CELF4: variants seen among roughly 807,000 people sequenced by gnomAD.
The protein encoded by CELF4 is CUG-BP- and ETR-3-like factor 4.
CELF4 carries 18 observed loss-of-function variants against 59.9 expected under a neutral mutation model. The ratio of observed to expected loss-of-function variants is 0.30; its 90% CI spans 0.21 to 0.45. CELF4 has a LOEUF of 0.45. Among genes scored for constraint, CELF4 ranks in the 20% least tolerant of loss-of-function variants. CELF4 has a pLI of 1.00. For synonymous variants in CELF4, 261 were observed against 267.1 expected, an observed-to-expected ratio of 0.98 and a Z score of 0.22; for missense variants, 456 against 689.0, an observed-to-expected ratio of 0.66 and a Z score of 3.79.
At chr18:37,362,038 G>T (rs1161879014) in intron 2 of CELF4, among the ~76,000 whole-genome samples, 1 of 152,136 alleles carries the variant, frequency 6.6e-6, no homozygotes, top group Non-Finnish European at 1.5e-5. Context: ...GGGTCCTGGG[G>T]TCCGGCCCGT....
chr18:37,357,790 G>A (rs2098624460), intron 2 of CELF4, among the ~76,000 whole-genome samples: 1 of 152,234 alleles, frequency 6.6e-6, no homozygotes, highest in African/African-American at 2.4e-5. Context: ...TGACCTGGAT[G>A]TGAGACATGG....
intron 1 of CELF4, among the ~76,000 whole-genome samples, chr18:37,553,602 C>A (rs1415580067): frequency 6.6e-6 from 1 of 152,236 alleles, no homozygotes; most frequent in African/African-American, 2.4e-5. Flanking sequence ...ACAAAACTCA[C>A]ATGGATACAG....
At chr18:37,401,189 GTCT>G (rs2099322123) in intron 2 of CELF4, among the ~76,000 whole-genome samples, 1 of 152,214 alleles carries the variant, frequency 6.6e-6, no homozygotes, top group Non-Finnish European at 1.5e-5. Context: ...TTGTAGGTAG[GTCT>G]TCTTCACTCA....
At chr18:37,540,974 T>C (rs1271234549) in intron 1 of CELF4, among the ~76,000 whole-genome samples, 1 of 152,138 alleles carries the variant, frequency 6.6e-6, no homozygotes, top group African/African-American at 2.4e-5. Context: ...CCCAGCATCC[T>C]CTGTTCTAGG....
intron 2 of CELF4, among the ~76,000 whole-genome samples, chr18:37,483,116 G>A (rs1029731527): frequency 2.0e-5 from 3 of 152,168 alleles, no homozygotes; most frequent in African/African-American, 7.2e-5. Context: ...CTATTATTTG[G>A]TTGGGTGAGA....
chr18:37,564,819 G>C (rs2099987665), intron 1 of CELF4, among the ~76,000 whole-genome samples: 1 of 151,976 alleles, frequency 6.6e-6, no homozygotes, highest in African/African-American at 2.4e-5. Context: ...AGAGTTTACT[G>C]TTACATTTAA....
chr18:37,261,439 G>A lies in CELF4; in HGVS notation c.1250-2175C>T, dbSNP rs142829543. On this transcript the variant is annotated intron_variant, in intron 10 of 12. Transcript: ENST00000420428. The stretch of plus-strand genomic sequence containing the variant: ...GGCCCGCAGGCTCAATCCCACATGC[G>A]CGGTGTGTGGCGGAGCCCCAGGGAT... Among the ~76,000 whole-genome samples the A allele has an allele frequency of 7.2e-5, 11 of 152,310 alleles. No individual in the cohort carries two copies. The East Asian group carries it at 1.9e-3, about 27-fold the overall frequency.
intron 10 of CELF4, among the ~76,000 whole-genome samples, chr18:37,260,320 A>C (rs958445501): frequency 6.6e-6 from 1 of 152,240 alleles, no homozygotes; most frequent in Non-Finnish European, 1.5e-5. Flanking sequence ...AATAGTCAAA[A>C]TGCTCAATTT....
chr18:37,252,975 C>A (rs924846545), intron 12 of CELF4, among the ~76,000 whole-genome samples: 1 of 152,032 alleles, frequency 6.6e-6, no homozygotes, highest in African/African-American at 2.4e-5. Context: ...TGGGGGAAAC[C>A]ATTCTGAAGG....
At chr18:37,438,028 C>T (rs911341938) in intron 2 of CELF4, among the ~76,000 whole-genome samples, 1 of 152,196 alleles carries the variant, frequency 6.6e-6, no homozygotes, top group Non-Finnish European at 1.5e-5. Flanking sequence ...AAGGACATAG[C>T]AAGAAGGCGG....
intron 2 of CELF4, among the ~76,000 whole-genome samples, chr18:37,442,448 A>T (rs990130595): frequency 1.3e-5 from 2 of 152,240 alleles, no homozygotes; most frequent in African/African-American, 4.8e-5. Flanking sequence ...GCCCATTTGC[A>T]AATTAATGGC....
chr18:37,337,659 C>A (rs2097822385), intron 2 of CELF4, among the ~76,000 whole-genome samples: 1 of 152,218 alleles, frequency 6.6e-6, no homozygotes, highest in South Asian at 2.1e-4. Flanking sequence ...CCTCGGAAGT[C>A]ATGTTCCCAT....
intron 2 of CELF4, among the ~76,000 whole-genome samples, chr18:37,458,468 G>A (rs2099784761): frequency 6.6e-6 from 1 of 152,196 alleles, no homozygotes. Flanking sequence ...AGTACTGCAT[G>A]GCCAGGTATT....
At position 37,254,596 on chromosome 18, in the gene CELF4, G is replaced by A. The variant is rs375069711; in HGVS notation, c.1334-658C>T. On this transcript the variant is annotated intron_variant, in intron 11 of 12. Coordinates refer to ENST00000420428, the MANE Select transcript of CELF4 (RefSeq NM_020180.4). The surrounding 1 kb of genome is among the most constrained non-coding windows in gnomAD (Gnocchi z 5.1). ...CCCTGGGCGTCACCTCGCCCCGGGCGCCGTCGGCACCTCTCTTCTCCACGC... is the reference window on the plus strand; with the variant it reads ...CCCTGGGCGTCACCTCGCCCCGGGCACCGTCGGCACCTCTCTTCTCCACGC... Among the ~76,000 whole-genome samples the A allele has an allele frequency of 2.4e-4, 37 of 152,294 alleles. No homozygotes were observed. Among genetic ancestry groups the A allele is most frequent in the African/African-American group, 8.4e-4 (35 of 41,576 alleles).
At chr18:37,319,604 G>A (rs1305630459) in intron 3 of CELF4, among the ~76,000 whole-genome samples, 1 of 152,188 alleles carries the variant, frequency 6.6e-6, no homozygotes, top group Non-Finnish European at 1.5e-5. Flanking sequence ...GCAGGCACAG[G>A]CCCCAAGGAT....
chr18:37,280,261 G>A (rs1191461385), intron 3 of CELF4, among the ~76,000 whole-genome samples: 1 of 78,272 alleles, frequency 1.3e-5, no homozygotes, highest in African/African-American at 7.1e-5. Context: ...AGGAGGGGCT[G>A]GACAAAACCC....
chr18:37,303,513 G>A (rs1325769773), intron 3 of CELF4, among the ~76,000 whole-genome samples: 1 of 152,216 alleles, frequency 6.6e-6, no homozygotes, highest in Non-Finnish European at 1.5e-5. Flanking sequence ...AGTCCCCACA[G>A]TAATATCAGA....
chr18:37,253,789 C>CG lies in CELF4; in HGVS notation c.*21dup. The CG allele has an allele frequency of 6.3e-7, 1 of 1,589,216 alleles. No homozygotes were observed. The highest frequency in any genetic ancestry group is 2.3e-5 in the East Asian group (1 of 42,950). On this transcript the variant is annotated 3_prime_UTR_variant, in exon 12 of 13. Transcript: ENST00000420428. This position sits in a 1 kb window ranked among gnomAD's most constrained non-coding sequence, Gnocchi z 4.5. ...TACCTGTGCGAGTCCTGGTCTCCCC[C>CG]GGGGGACGCTCCCGCCGGCGCTCAG...
intron 1 of CELF4, among the ~76,000 whole-genome samples, chr18:37,558,570 G>A (rs1369986338): frequency 7.2e-6 from 1 of 138,794 alleles, no homozygotes; most frequent in Non-Finnish European, 1.6e-5. Context: ...GCGGGTGGGG[G>A]GGGCTCTGTT....
Sources: gnomAD v4.1 joint callset for allele counts (sites outside exome capture counted in the v4.1 genomes callset) on GRCh38, gnomAD v4.1.1 for gene constraint, Gnocchi (gnomAD v3.1) non-coding constraint, MANE v1.5 for transcripts, NCBI Gene and HGNC (gene_info 2026-07-23, HGNC 2026-07-21) for gene names.